CSTL1: variants seen among roughly 807,000 people sequenced by gnomAD.
The protein encoded by CSTL1 is cystatin like 1.
CSTL1 carries 14 observed loss-of-function variants against 14.4 expected under a neutral mutation model. That is an observed-to-expected ratio of 0.97 (90% confidence interval 0.64 to 1.52). The LOEUF is 1.52. Ranked by LOEUF, CSTL1 falls within the 40% of genes most tolerant of loss-of-function variation. The probability of loss-of-function intolerance (pLI) is 0.00; values close to 1 mark genes in which losing one functional copy is unlikely to be tolerated. For missense variants in CSTL1, 170 were observed against 168.7 expected (o/e 1.01, Z -0.04); for synonymous variants, 72 against 67.5 (o/e 1.07, Z -0.33).
the CSTL1 span, among the ~76,000 whole-genome samples, chr20:23,453,440 A>C: frequency 1.3e-5 from 2 of 152,042 alleles, no homozygotes; most frequent in African/African-American, 4.8e-5. Context: ...TTGGAGGAGG[A>C]GGCAGTGGCG....
downstream of CSTL1, among the ~76,000 whole-genome samples, chr20:23,447,025 C>A (rs906588256): frequency 6.6e-6 from 1 of 152,242 alleles, no homozygotes. Context: ...TCCTGCAAAT[C>A]TAAGCTAATT....
rs1733322203 is a variant in CSTL1, at chr20:23,444,019, C to G, written c.305C>G (p.Pro102Arg). ...KRNDTSNSSC[P>R]LQSKKLRKSL... is the part of the protein sequence containing the mutation. Reference sequence around the variant, plus strand: ...AATGACACGAGCAATTCTTCCTGCCCCCTGCAAAGCAAGAAGCTGAGAAAG... The same window carrying G: ...AATGACACGAGCAATTCTTCCTGCCGCCTGCAAAGCAAGAAGCTGAGAAAG... Residue 102 changes from proline (P) to arginine (R), a missense_variant, in exon 3 of 4, where the codon CCC (proline) becomes CGC (arginine). Transcript: ENST00000347397. 6.2e-7 allele frequency: 1 copy of G among 1,613,956 alleles called. No homozygotes were observed. The highest frequency in any genetic ancestry group is 8.5e-7 in the Non-Finnish European group (1 of 1,179,796).
At chr20:23,440,051 C>A in intron 1 of CSTL1, 93 bp from the exon 2 acceptor site, 1 of 579,930 alleles carries the variant, frequency 1.7e-6, no homozygotes, top group Non-Finnish European at 3.0e-6. Context: ...CCTGGATCAC[C>A]AAAGAACTGA....
At chr20:23,454,304 C>T in the CSTL1 span, among the ~76,000 whole-genome samples, 2 of 150,404 alleles carry the variant, frequency 1.3e-5, no homozygotes, top group East Asian at 4.0e-4. Context: ...CATTACACAC[C>T]CACACTCACA....
chr20:23,451,956 C>T, the CSTL1 span: 9 of 1,496,374 alleles, frequency 6.0e-6, no homozygotes, highest in African/African-American at 5.6e-5. Context: ...CACAGCTTGT[C>T]CCCTTCTCCC....
chr20:23,444,686 CA>C, intron 3 of CSTL1, 84 bp from the exon 4 acceptor site: 1 of 846,962 alleles, frequency 1.2e-6, no homozygotes. Context: ...TGAGCAGCCA[CA>C]GGGAGAGACC....
the CSTL1 span, among the ~76,000 whole-genome samples, chr20:23,460,102 C>T: frequency 6.6e-6 from 1 of 152,230 alleles, no homozygotes; most frequent in Admixed American, 6.5e-5. Context: ...GCTGGCCTCC[C>T]CAAGTCCTTT....
chr20:23,450,269 G>A, the CSTL1 span: 1 of 389,362 alleles, frequency 2.6e-6, no homozygotes, highest in African/African-American at 2.1e-5. Context: ...GAAGGCATAG[G>A]TGATAAGGTC....
the CSTL1 span, among the ~76,000 whole-genome samples, chr20:23,453,955 CA>C: frequency 6.6e-6 from 1 of 152,044 alleles, no homozygotes; most frequent in Non-Finnish European, 1.5e-5. Flanking sequence ...ACACAACACA[CA>C]GAGACACATA....
At chr20:23,456,126 G>T in the CSTL1 span, among the ~76,000 whole-genome samples, 1 of 152,198 alleles carries the variant, frequency 6.6e-6, no homozygotes, top group African/African-American at 2.4e-5. Context: ...TGGGGAACAG[G>T]CTTCACTTGC....
At position 23,444,835 on chromosome 20, in the gene CSTL1, A is replaced by G; in HGVS notation, c.395A>G (p.Asn132Ser). Residue 132 changes from asparagine to serine, a missense_variant, in exon 4 of 4, where the codon AAT (asparagine) becomes AGT (serine). By Grantham distance (46) the Asn-to-Ser change is conservative. Coordinates refer to ENST00000347397, the MANE Select transcript of CSTL1 (RefSeq NM_138283.1). Reference protein sequence around the residue: ...PWINYFQLWNNSCLEAEHVGR... With the variant: ...PWINYFQLWNSSCLEAEHVGR... ...ATAAACTATTTCCAGCTCTGGAACA[A>G]TTCCTGTCTGGAGGCCGAGCATGTG... 1.9e-6 allele frequency: 3 copies of G among 1,614,066 alleles called. No individual in the cohort carries two copies. The highest frequency in any genetic ancestry group is 2.5e-6 in the Non-Finnish European group (3 of 1,179,950).
At chr20:23,447,270 C>T (rs114407817), downstream of CSTL1, among the ~76,000 whole-genome samples, 1,237 of 152,206 alleles carry the variant, frequency 8.1e-3, 18 homozygotes, top group African/African-American at 0.027. Context: ...TCAATACATC[C>T]GTGTGGTCGT....
chr20:23,444,465 G>A (rs1227360060), intron 3 of CSTL1, among the ~76,000 whole-genome samples: 1 of 152,242 alleles, frequency 6.6e-6, no homozygotes, highest in Non-Finnish European at 1.5e-5. Flanking sequence ...CTGGGGAGGT[G>A]CAGGAGGAGG....
the CSTL1 span, among the ~76,000 whole-genome samples, chr20:23,454,060 CAT>C: frequency 5.3e-5 from 8 of 151,782 alleles, no homozygotes; most frequent in Non-Finnish European, 7.4e-5. Context: ...AACACACACA[CAT>C]ACCGCCACAC....
chr20:23,458,672 A>C, the CSTL1 span: 1 of 152,196 alleles, frequency 6.6e-6, no homozygotes, highest in African/African-American at 2.4e-5. Context: ...TACGGTGAGG[A>C]TGAGAAAGGC....
rs748742552 is a variant in CSTL1, at chr20:23,440,362, A to G, written c.95A>G (p.Gln32Arg). The part of the protein sequence containing the change: ...LGHFQRWEGF[Q>R]QKLMSKKNMN... ...CACTTCCAAAGGTGGGAGGGCTTCC[A>G]GCAGAAGCTCATGAGCAAGAAGAAC... Residue 32 changes from glutamine (Q) to arginine (R), a missense_variant, in exon 2 of 4, where the codon CAG (glutamine) becomes CGG (arginine). Transcript: ENST00000347397. 8 of 1,614,234 alleles carry G rather than the reference A, an allele frequency of 5.0e-6. No homozygotes were observed. The highest frequency in any genetic ancestry group is 1.7e-5 in the Admixed American group (1 of 60,024).
chr20:23,452,712 C>T, the CSTL1 span: 194 of 1,614,086 alleles, frequency 1.2e-4, no homozygotes, highest in Admixed American at 1.7e-4. Context: ...ACTTCATGGA[C>T]GCTTAGAAAG....
At chr20:23,459,724 T>A in the CSTL1 span, among the ~76,000 whole-genome samples, 5 of 152,222 alleles carry the variant, frequency 3.3e-5, no homozygotes, top group African/African-American at 1.2e-4. Context: ...CTCCAGGGCC[T>A]GACACAAAGT....
chr20:23,446,864 G>A (rs559706592), downstream of CSTL1, among the ~76,000 whole-genome samples: 1 of 152,256 alleles, frequency 6.6e-6, no homozygotes, highest in African/African-American at 2.4e-5. Flanking sequence ...AATAAACATA[G>A]AGCAAGAACC....
Sources: allele counts gnomAD v4.1 joint callset (sites outside exome capture counted in the v4.1 genomes callset), GRCh38; gene constraint gnomAD v4.1.1; transcripts MANE v1.5; gene names NCBI Gene and HGNC (gene_info 2026-07-23, HGNC 2026-07-21).